The following PTPRD variants were observed in gnomAD, a reference collection of about 807,000 sequenced individuals.
PTPRD encodes the protein receptor-type tyrosine-protein phosphatase delta.
A neutral mutation model predicts 214.5 loss-of-function variants in PTPRD; 34 were observed. The ratio of observed to expected loss-of-function variants is 0.16; its 90% confidence interval spans 0.12 to 0.21. PTPRD has a LOEUF of 0.21. Ranked by LOEUF, PTPRD falls within the 10% of genes least tolerant of loss-of-function variation. PTPRD has a pLI of 1.00. For missense variants in PTPRD, 2,545 were observed against 2,398.7 expected, an observed-to-expected ratio of 1.06 and a Z score of -1.27; for synonymous variants, 1,128 against 845.7, an observed-to-expected ratio of 1.33 and a Z score of -5.79.
intron 11 of PTPRD, among the ~76,000 whole-genome samples, chr9:8,981,418 G>C (rs981698767): frequency 5.3e-5 from 8 of 151,794 alleles, no homozygotes; most frequent in African/African-American, 1.9e-4. Context: ...TTTTTAAGTA[G>C]GTATCGTTTA....
At chr9:8,490,412 A>C (rs186611785) in intron 27 of PTPRD, among the ~76,000 whole-genome samples, 1 of 152,320 alleles carries the variant, frequency 6.6e-6, no homozygotes, top group African/African-American at 2.4e-5. Flanking sequence ...CTCTAAATTT[A>C]GCCCCAATTT....
chr9:10,356,395 A>C (rs2097278222), intron 2 of PTPRD, among the ~76,000 whole-genome samples: 1 of 152,214 alleles, frequency 6.6e-6, no homozygotes, highest in African/African-American at 2.4e-5. Flanking sequence ...CTATATACTC[A>C]AAATGATATT....
At chr9:10,490,752 C>T (rs833408) in intron 2 of PTPRD, among the ~76,000 whole-genome samples, 41,445 of 151,994 alleles carry the variant, frequency 0.27, 6,435 homozygotes, top group African/African-American at 0.4. Flanking sequence ...CCATAACATT[C>T]CCTTATACAT....
At chr9:10,241,108 C>T (rs1190448779) in intron 3 of PTPRD, among the ~76,000 whole-genome samples, 1 of 151,622 alleles carries the variant, frequency 6.6e-6, no homozygotes, top group Non-Finnish European at 1.5e-5. Context: ...TGCTCAACAT[C>T]ATTAACTATT....
At chr9:9,750,814 C>T (rs1410304958) in intron 6 of PTPRD, among the ~76,000 whole-genome samples, 2 of 152,048 alleles carry the variant, frequency 1.3e-5, no homozygotes, top group Non-Finnish European at 2.9e-5. Context: ...TTTCCCCTCC[C>T]CTAATTCCTG....
Position 9,025,728 on chromosome 9 carries a change from A to G in PTPRD, c.-142-6993T>C, listed in dbSNP as rs1309344272. ...GCTTTGAGGACATATTAATAGTCAC[A>G]TGATCTTGGGGAAGTCAATCTCTCA... On this transcript the variant is annotated intron_variant, in intron 10 of 45. Coordinates refer to ENST00000381196, the MANE Select transcript of PTPRD (RefSeq NM_002839.4). Among the ~76,000 whole-genome samples, 24 of 152,024 alleles carry G rather than the reference A, an allele frequency of 1.6e-4. 1 individual carries two copies. Among genetic ancestry groups the G allele is most frequent in the Admixed American group, 1.6e-3 (24 of 15,222 alleles).
chr9:9,044,762 C>T (rs1034892714), intron 10 of PTPRD, among the ~76,000 whole-genome samples: 3 of 150,300 alleles, frequency 2.0e-5, no homozygotes, highest in African/African-American at 7.3e-5. Flanking sequence ...CAACTTCTTC[C>T]CTTTTACCTT....
intron 3 of PTPRD, among the ~76,000 whole-genome samples, chr9:10,280,345 T>G (rs1289046233): frequency 7.1e-6 from 1 of 139,906 alleles, no homozygotes; most frequent in East Asian, 2.0e-4. Context: ...AGAAAAATAT[T>G]TAAATACATA....
chr9:9,089,754 TCAGGGC>T (rs2099772870), intron 10 of PTPRD, among the ~76,000 whole-genome samples: 1 of 152,278 alleles, frequency 6.6e-6, no homozygotes, highest in Non-Finnish European at 1.5e-5. Context: ...AACATACTTG[TCAGGGC>T]TGGGGAAAAT....
intron 11 of PTPRD, among the ~76,000 whole-genome samples, chr9:8,921,934 A>G (rs1588079169): frequency 1.3e-5 from 2 of 152,324 alleles, no homozygotes; most frequent in East Asian, 3.9e-4. Flanking sequence ...GACACAGAAG[A>G]AGAGGAGGCA....
intron 14 of PTPRD, among the ~76,000 whole-genome samples, chr9:8,613,803 GT>G (rs1214418608): frequency 2.0e-5 from 3 of 152,112 alleles, no homozygotes; most frequent in Non-Finnish European, 4.4e-5. Flanking sequence ...TGGTTTAGTT[GT>G]TTTTCTTACA....
At chr9:10,211,887 A>G (rs926668968) in intron 3 of PTPRD, among the ~76,000 whole-genome samples, 3 of 152,148 alleles carry the variant, frequency 2.0e-5, no homozygotes, top group South Asian at 4.1e-4. Context: ...CTAAAAGCCC[A>G]GACTTTACCA....
At chr9:10,186,943 G>GT (rs2099334878) in intron 3 of PTPRD, among the ~76,000 whole-genome samples, 1 of 152,114 alleles carries the variant, frequency 6.6e-6, no homozygotes, top group African/African-American at 2.4e-5. Flanking sequence ...CTTGAGAGCA[G>GT]TAACAGTCCT....
At chr9:8,759,120 T>C (rs930320647) in intron 11 of PTPRD, among the ~76,000 whole-genome samples, 2 of 151,892 alleles carry the variant, frequency 1.3e-5, no homozygotes, top group Admixed American at 1.3e-4. Context: ...AGCCTCAATC[T>C]CCTGAGGTCA....
At chr9:9,528,336 T>C (rs1307005451) in intron 8 of PTPRD, among the ~76,000 whole-genome samples, 1 of 152,168 alleles carries the variant, frequency 6.6e-6, no homozygotes, top group East Asian at 1.9e-4. Flanking sequence ...TTTCTACCTG[T>C]GACAGTAGAA....
chr9:10,071,419 G>C (rs918758035), intron 3 of PTPRD, among the ~76,000 whole-genome samples: 1 of 152,008 alleles, frequency 6.6e-6, no homozygotes, highest in Admixed American at 6.6e-5. Flanking sequence ...ATTGGTGGAA[G>C]AATACATGCA....
rs149515411 is a variant in PTPRD, at chr9:9,524,895, T to C, written c.-237+49837A>G. ...TTTGTTGAGACGGAGTCTCGCTCTG[T>C]TGCCCAGGCTGGAGTACAGTGGCGC... On this transcript the variant is annotated intron_variant, in intron 8 of 45. Transcript: ENST00000381196. Among the ~76,000 whole-genome samples, 74 of 152,356 alleles carry C rather than the reference T, an allele frequency of 4.9e-4. No individual in the cohort carries two copies. The East Asian group carries it at 0.013, about 27-fold the overall frequency.
intron 10 of PTPRD, among the ~76,000 whole-genome samples, chr9:9,143,324 G>A (rs888379385): frequency 2.0e-5 from 3 of 152,138 alleles, no homozygotes; most frequent in Non-Finnish European, 4.4e-5. Context: ...TCAGTCAGTG[G>A]TTAGAATTCA....
chr9:9,759,083 T>G (rs2098623680), intron 6 of PTPRD, among the ~76,000 whole-genome samples: 1 of 152,122 alleles, frequency 6.6e-6, no homozygotes, highest in South Asian at 2.1e-4. Context: ...TTTGATGATT[T>G]CCGTAGTAAA....
Sources: gnomAD v4.1 joint callset for allele counts (sites outside exome capture counted in the v4.1 genomes callset) on GRCh38, gnomAD v4.1.1 for gene constraint, MANE v1.5 for transcripts, NCBI Gene and HGNC (gene_info 2026-07-23, HGNC 2026-07-21) for gene names.